SORCS2: variants seen among roughly 807,000 people sequenced by gnomAD.
The protein encoded by SORCS2 is sortilin related VPS10 domain containing receptor 2, also known as VPS10 domain-containing receptor SorCS2.
SORCS2 carries 100 observed loss-of-function variants against 141.6 expected under a neutral mutation model. The ratio of observed to expected loss-of-function variants is 0.71; its 90% CI spans 0.60 to 0.83. SORCS2 has a LOEUF of 0.83. SORCS2 is among the 40% of genes least tolerant of loss of function. SORCS2 has a pLI of 0.00. For missense variants in SORCS2, 1,646 were observed against 1,560.2 expected, an observed-to-expected ratio of 1.05 and a Z score of -0.93; for synonymous variants, 789 against 676.9, an observed-to-expected ratio of 1.17 and a Z score of -2.57.
chr4:7,701,203 A>G (rs1407720973), intron 12 of SORCS2, among the ~76,000 whole-genome samples: 2 of 149,574 alleles, frequency 1.3e-5, no homozygotes, highest in African/African-American at 2.5e-5. Context: ...GGGAGAGGGG[A>G]AGAGGGAGAG....
chr4:7,492,712 C>G (rs982480484), intron 2 of SORCS2, among the ~76,000 whole-genome samples: 1 of 152,176 alleles, frequency 6.6e-6, no homozygotes, highest in Non-Finnish European at 1.5e-5. Flanking sequence ...ACAAGCATAC[C>G]TGAAGGAAAT....
At chr4:7,353,865 G>C (rs113842082) in intron 1 of SORCS2, among the ~76,000 whole-genome samples, 1 of 152,140 alleles carries the variant, frequency 6.6e-6, no homozygotes, top group Non-Finnish European at 1.5e-5. Flanking sequence ...GCTCAGCACC[G>C]GTGAAGGTCT....
chr4:7,538,785 T>A (rs1306797815), intron 3 of SORCS2, among the ~76,000 whole-genome samples: 1 of 152,156 alleles, frequency 6.6e-6, no homozygotes, highest in African/African-American at 2.4e-5. Context: ...CACTCGCCCG[T>A]GTCTTCGTAG....
chr4:7,214,386 C>G (rs1026917006), intron 1 of SORCS2, among the ~76,000 whole-genome samples: 1 of 152,198 alleles, frequency 6.6e-6, no homozygotes, highest in African/African-American at 2.4e-5. Flanking sequence ...CCTAGCCTTT[C>G]TGCCTCCCAC....
At chr4:7,536,449 G>C (rs1205544627) in intron 3 of SORCS2, among the ~76,000 whole-genome samples, 2 of 152,218 alleles carry the variant, frequency 1.3e-5, no homozygotes, top group African/African-American at 4.8e-5. Flanking sequence ...GTCAAGTAAG[G>C]AGTGGGGCAA....
At chr4:7,616,841 G>C (rs1281514759) in intron 3 of SORCS2, among the ~76,000 whole-genome samples, 1 of 152,188 alleles carries the variant, frequency 6.6e-6, no homozygotes, top group African/African-American at 2.4e-5. Flanking sequence ...ATGTTCCCTC[G>C]ATGGACGTTT....
chr4:7,650,559 C>T (rs1721370903), intron 4 of SORCS2, among the ~76,000 whole-genome samples: 1 of 152,316 alleles, frequency 6.6e-6, no homozygotes, highest in East Asian at 1.9e-4. Context: ...AGCCCAAGAA[C>T]CCTAGACTCA....
intron 4 of SORCS2, among the ~76,000 whole-genome samples, chr4:7,649,427 G>A (rs1577895248): frequency 6.6e-6 from 1 of 152,106 alleles, no homozygotes; most frequent in East Asian, 1.9e-4. Flanking sequence ...GGTCTGCGTG[G>A]AGAGTGGCAG....
intron 3 of SORCS2, among the ~76,000 whole-genome samples, chr4:7,550,127 T>C: frequency 1.6e-5 from 1 of 63,096 alleles, no homozygotes; most frequent in African/African-American, 4.1e-5. Flanking sequence ...TGTGTGTATG[T>C]GTGTATGTGT....
chr4:7,628,714 AG>A (rs1250200063), intron 3 of SORCS2, among the ~76,000 whole-genome samples: 4 of 149,698 alleles, frequency 2.7e-5, no homozygotes, highest in Non-Finnish European at 5.9e-5. Context: ...ACACAAATGG[AG>A]GGGGTGGGGA....
chr4:7,219,973 T>A (rs904825841), intron 1 of SORCS2, among the ~76,000 whole-genome samples: 18 of 152,120 alleles, frequency 1.2e-4, no homozygotes, highest in African/African-American at 4.1e-4. Context: ...GAGTGTTGGG[T>A]TTGCTGGATT....
chr4:7,297,446 G>T (rs909710950), intron 1 of SORCS2, among the ~76,000 whole-genome samples: 1 of 152,102 alleles, frequency 6.6e-6, no homozygotes, highest in Non-Finnish European at 1.5e-5. Flanking sequence ...CTTGCTGGGT[G>T]GGGGATCGGA....
chr4:7,573,433 A>G (rs774507733), intron 3 of SORCS2, among the ~76,000 whole-genome samples: 3 of 152,172 alleles, frequency 2.0e-5, no homozygotes, highest in African/African-American at 4.8e-5. Flanking sequence ...GTAAAGGCAA[A>G]GGTTTCCTTA....
rs1722364520 is a variant in SORCS2, at chr4:7,664,329, T to G, written c.953-24T>G. 6.2e-7 allele frequency: 1 copy of G among 1,600,494 alleles called. No homozygotes were observed. The highest frequency in any genetic ancestry group is 8.5e-7 in the Non-Finnish European group (1 of 1,170,248). On this transcript the variant is annotated intron_variant, in intron 6 of 26. Transcript: ENST00000507866. This position sits in a 1 kb window ranked among gnomAD's most constrained non-coding sequence, Gnocchi z 4.7. ...TGGCTCCGGCTGGAGTCTGACCGCC[T>G]GGGTCGGCGCCTCTCTCCTGTAGAT...
At chr4:7,273,343 A>C (rs57709774) in intron 1 of SORCS2, among the ~76,000 whole-genome samples, 1 of 151,936 alleles carries the variant, frequency 6.6e-6, no homozygotes, top group Admixed American at 6.5e-5. Flanking sequence ...AAGCACCTCA[A>C]TCCTTGTCTC....
rs879668073 is a variant in SORCS2 at position 7,361,900 on chromosome 4, T to TG, written c.481-34381dup. ...AGGCACAGAGCACAGTGAGAAGCGG[T>TG]GGGGGGGAGGACGCGGGGAGGGCGG... is the stretch of plus-strand genomic sequence containing the variant. On this transcript the variant is annotated intron_variant, in intron 1 of 26. Coordinates refer to ENST00000507866, the MANE Select transcript of SORCS2 (RefSeq NM_020777.3). 2.6e-4 allele frequency among the ~76,000 whole-genome samples: 6 copies of TG among 23,422 alleles called. No homozygotes were observed. In the South Asian group the frequency reaches 3.5e-3, roughly 13 times the overall value. 15.4% of individuals were successfully genotyped at this position (23,422 alleles called of 152,430 possible).
intron 3 of SORCS2, among the ~76,000 whole-genome samples, chr4:7,582,046 A>G (rs953204152): frequency 1.3e-5 from 2 of 152,234 alleles, no homozygotes; most frequent in African/African-American, 4.8e-5. Context: ...AAAATAGTCT[A>G]TGATTTAGAT....
chr4:7,381,680 C>G (rs192461301), intron 1 of SORCS2, among the ~76,000 whole-genome samples: 1 of 152,226 alleles, frequency 6.6e-6, no homozygotes, highest in African/African-American at 2.4e-5. Flanking sequence ...AGAGCAGGCT[C>G]TTCTAATCCC....
Position 7,648,344 on chromosome 4 carries a change from G to A in SORCS2, c.814-5790G>A, listed in dbSNP as rs879344272. ...TGTCAAGGAGTCAGGGGTCATCAGG[G>A]CAGAAATGGGGACTGAGTCACTTCC... is the stretch of plus-strand genomic sequence containing the variant. On this transcript the variant is annotated intron_variant, in intron 4 of 26. Transcript: ENST00000507866. This position sits in a 1 kb window ranked among gnomAD's most constrained non-coding sequence, Gnocchi z 4.2. 1.2e-4 allele frequency among the ~76,000 whole-genome samples: 18 copies of A among 152,098 alleles called. No individual in the cohort carries two copies. The highest frequency in any genetic ancestry group is 2.0e-4 in the Admixed American group (3 of 15,278).
Sources: gnomAD v4.1 joint callset for allele counts (sites outside exome capture counted in the v4.1 genomes callset) on GRCh38, gnomAD v4.1.1 for gene constraint, Gnocchi (gnomAD v3.1) non-coding constraint, MANE v1.5 for transcripts, NCBI Gene and HGNC (gene_info 2026-07-23, HGNC 2026-07-21) for gene names.